Variants in AUTS2 observed in about 807,000 individuals in gnomAD.
The protein encoded by AUTS2 is activator of transcription and developmental regulator AUTS2, also known as autism susceptibility gene 2 protein.
Under a neutral mutation model 112.4 loss-of-function variants are expected in AUTS2, and 17 were observed. The observed-to-expected ratio is 0.15, with a 90% CI of 0.10 to 0.23. The LOEUF is 0.23. Ranked by LOEUF, AUTS2 falls within the 10% of genes least tolerant of loss-of-function variation. The pLI is 1.00. For missense variants in AUTS2, 1,510 were observed against 1,701.6 expected (o/e 0.89, Z 1.98); for synonymous variants, 751 against 702.7 (o/e 1.07, Z -1.09).
rs773082478 is a variant in AUTS2 at position 70,612,920 on chromosome 7, G to A, written c.691-85649G>A. The stretch of plus-strand genomic sequence containing the variant: ...TAGAAAATGAGGGCAGTGCTGGGCA[G>A]GCAGTCCAGGGTGGGGTGCATGCCT... On this transcript the variant is annotated intron_variant, in intron 5 of 18. Coordinates refer to ENST00000342771, the MANE Select transcript of AUTS2 (RefSeq NM_015570.4). Among the ~76,000 whole-genome samples the A allele has an allele frequency of 3.2e-4, 49 of 152,076 alleles. 1 individual carries two copies. The highest frequency in any genetic ancestry group is 2.8e-4 in the Non-Finnish European group (19 of 68,026).
intron 1 of AUTS2, among the ~76,000 whole-genome samples, chr7:69,707,057 G>T (rs1410498911): frequency 2.0e-5 from 3 of 152,122 alleles, no homozygotes; most frequent in African/African-American, 7.2e-5. Flanking sequence ...TCTGTATAGA[G>T]AACACCTGAA....
At chr7:70,538,957 A>C (rs2129503874) in intron 5 of AUTS2, among the ~76,000 whole-genome samples, 1 of 152,166 alleles carries the variant, frequency 6.6e-6, no homozygotes, top group Admixed American at 6.5e-5. Flanking sequence ...TAAGTCTTTG[A>C]CCCCATGGAA....
chr7:70,781,497 A>G, intron 14 of AUTS2, 118 bp from the exon 15 acceptor site: 4 of 1,252,582 alleles, frequency 3.2e-6, no homozygotes, highest in Non-Finnish European at 4.4e-6. Flanking sequence ...TTTCTCTCAC[A>G]GTGTTTGTAA....
chr7:69,927,963 T>A (rs991324181), intron 2 of AUTS2, among the ~76,000 whole-genome samples: 3 of 152,220 alleles, frequency 2.0e-5, no homozygotes, highest in Non-Finnish European at 4.4e-5. Context: ...TGGGGTGTTA[T>A]CCCATTTGTG....
intron 5 of AUTS2, among the ~76,000 whole-genome samples, chr7:70,581,255 T>A (rs1802426019): frequency 6.6e-6 from 1 of 152,020 alleles, no homozygotes; most frequent in African/African-American, 2.4e-5. Context: ...GCATGGTGGC[T>A]CATGCCTGTA....
intron 2 of AUTS2, among the ~76,000 whole-genome samples, chr7:69,981,426 CTG>C (rs1220619267): frequency 3.9e-5 from 6 of 152,104 alleles, no homozygotes; most frequent in Non-Finnish European, 7.4e-5. Flanking sequence ...GAATATGTAA[CTG>C]TATTTTTTTA....
intron 2 of AUTS2, among the ~76,000 whole-genome samples, chr7:69,947,197 A>G (rs958433454): frequency 6.6e-6 from 1 of 152,146 alleles, no homozygotes; most frequent in African/African-American, 2.4e-5. Context: ...CTGAGCATTG[A>G]CACCAATATC....
chr7:70,107,366 A>G (rs1339138395), intron 2 of AUTS2, among the ~76,000 whole-genome samples: 13 of 113,016 alleles, frequency 1.2e-4, no homozygotes, highest in African/African-American at 3.9e-4. Context: ...TTTCTTTGAG[A>G]CTGAGTCTAG....
chr7:69,836,693 G>T (rs2129528125), intron 1 of AUTS2, among the ~76,000 whole-genome samples: 1 of 152,284 alleles, frequency 6.6e-6, no homozygotes, highest in East Asian at 1.9e-4. Context: ...TGCCATGGGT[G>T]TTTGGGAAAA....
chr7:69,777,775 C>T (rs184553128), intron 1 of AUTS2, among the ~76,000 whole-genome samples: 23 of 152,210 alleles, frequency 1.5e-4, no homozygotes, highest in African/African-American at 5.5e-4. Flanking sequence ...CTCTTTGTAA[C>T]ACTCTATGAA....
At chr7:70,481,328 T>C (rs1177869644) in intron 5 of AUTS2, among the ~76,000 whole-genome samples, 1 of 152,228 alleles carries the variant, frequency 6.6e-6, no homozygotes, top group Non-Finnish European at 1.5e-5. Context: ...TGAACGTCCA[T>C]GTTCTGACAT....
intron 1 of AUTS2, among the ~76,000 whole-genome samples, chr7:69,767,726 G>A (rs779292391): frequency 6.6e-5 from 10 of 152,196 alleles, no homozygotes; most frequent in Non-Finnish European, 1.3e-4. Context: ...GCGGATTCCA[G>A]CAGGTACATC....
chr7:70,409,565 G>T (rs1794688530), intron 4 of AUTS2, among the ~76,000 whole-genome samples: 1 of 152,112 alleles, frequency 6.6e-6, no homozygotes, highest in Non-Finnish European at 1.5e-5. Flanking sequence ...GGGTATTATT[G>T]ACTTGAGGAA....
chr7:70,676,976 G>C (rs574309921), intron 5 of AUTS2, among the ~76,000 whole-genome samples: 1 of 152,080 alleles, frequency 6.6e-6, no homozygotes, highest in East Asian at 1.9e-4. Context: ...TTACAACTTT[G>C]TTTAGAACTT....
chr7:70,191,261 G>A (rs987806271), intron 4 of AUTS2, among the ~76,000 whole-genome samples: 5 of 144,774 alleles, frequency 3.5e-5, no homozygotes, highest in East Asian at 4.1e-4. Flanking sequence ...TCTGCCTCCC[G>A]GGTTTACACC....
At chr7:70,675,806 G>T (rs887342621) in intron 5 of AUTS2, among the ~76,000 whole-genome samples, 3 of 152,198 alleles carry the variant, frequency 2.0e-5, no homozygotes, top group African/African-American at 7.2e-5. Context: ...TGCCGGAGGG[G>T]TTGCTACCAG....
At chr7:70,508,277 G>T (rs1287175696) in intron 5 of AUTS2, among the ~76,000 whole-genome samples, 1 of 151,978 alleles carries the variant, frequency 6.6e-6, no homozygotes, top group Non-Finnish European at 1.5e-5. Context: ...AAAGGAGGGG[G>T]GTAGGGAGAG....
In AUTS2 at chr7:70,696,031, T is replaced by TTA. The variant is rs1554463971; in HGVS notation, c.691-2538_691-2537insTA. Among the ~76,000 whole-genome samples the TTA allele has an allele frequency of 5.4e-3, 825 of 152,060 alleles. 14 individuals carry two copies. Among genetic ancestry groups the TTA allele is most frequent in the African/African-American group, 0.018 (731 of 41,448 alleles). ...TTTCCATTTGAATAATAATTTTTTT[T>TTA]AAAAAGCCAGGAAAATGGTCCAGGT... On this transcript the variant is annotated intron_variant, in intron 5 of 18. Coordinates refer to ENST00000342771, the MANE Select transcript of AUTS2 (RefSeq NM_015570.4).
At chr7:70,779,416 C>T (rs887569902) in intron 14 of AUTS2, among the ~76,000 whole-genome samples, 1 of 152,154 alleles carries the variant, frequency 6.6e-6, no homozygotes, top group Non-Finnish European at 1.5e-5. Context: ...GCTTAGAGTT[C>T]AGTAATGAGG....
Sources: allele counts gnomAD v4.1 joint callset (sites outside exome capture counted in the v4.1 genomes callset), GRCh38; gene constraint gnomAD v4.1.1; transcripts MANE v1.5; gene names NCBI Gene and HGNC (gene_info 2026-07-23, HGNC 2026-07-21).